The following ELAVL2 variants were observed in gnomAD, a reference collection of about 807,000 sequenced individuals.
The protein encoded by ELAVL2 is ELAV-like protein 2.
Under a neutral mutation model 34.6 loss-of-function variants are expected in ELAVL2, and 4 were observed. The observed-to-expected ratio is 0.12, with a 90% confidence interval of 0.06 to 0.26. ELAVL2 has a LOEUF of 0.26. Ranked by LOEUF, ELAVL2 falls within the 10% of genes least tolerant of loss-of-function variation. ELAVL2 has a pLI of 1.00. For synonymous variants in ELAVL2, 193 were observed against 154.8 expected (o/e 1.25, Z -1.83); for missense variants, 432 against 442.8 (o/e 0.98, Z 0.22).
At chr9:23,712,575 A>T (rs2041265475) in intron 3 of ELAVL2, among the ~76,000 whole-genome samples, 1 of 152,152 alleles carries the variant, frequency 6.6e-6, no homozygotes, top group Non-Finnish European at 1.5e-5. Context: ...CAAACTAAGA[A>T]TCCTGAGACT....
intron 3 of ELAVL2, among the ~76,000 whole-genome samples, chr9:23,709,150 C>T (rs2040230265): frequency 6.6e-6 from 1 of 152,158 alleles, no homozygotes. Context: ...CAGACCAAGG[C>T]TCAAGGTCCT....
At position 23,691,072 on chromosome 9, in the gene ELAVL2, A is replaced by C. The variant is rs1037988663; in HGVS notation, c.*1485T>G. 1 of 152,578 alleles carries C rather than the reference A, an allele frequency of 6.6e-6. No homozygotes were observed. The highest frequency in any genetic ancestry group is 2.4e-5 in the African/African-American group (1 of 41,438). 9.5% of individuals were successfully genotyped at this position (152,578 alleles called of 1,614,324 possible). On this transcript the variant is annotated 3_prime_UTR_variant, in exon 7 of 7. Coordinates refer to ENST00000397312, the MANE Select transcript of ELAVL2 (RefSeq NM_004432.5). ...ATAAACCAAAATGTAGCATCACCAT[A>C]AACAGCTGAAGCTAGACTATCTACA... is the stretch of plus-strand genomic sequence containing the variant.
chr9:23,842,197 A>C, the ELAVL2 span, among the ~76,000 whole-genome samples: 1 of 152,114 alleles, frequency 6.6e-6, no homozygotes, highest in African/African-American at 2.4e-5. Flanking sequence ...TTTTCGTTTA[A>C]CCAGCAGAGA....
At chr9:23,757,213 C>G (rs1485751603) in intron 2 of ELAVL2, among the ~76,000 whole-genome samples, 1 of 152,130 alleles carries the variant, frequency 6.6e-6, no homozygotes, top group Non-Finnish European at 1.5e-5. Context: ...TTCCATTCTC[C>G]TTCCAGAGAA....
chr9:23,785,937 C>T (rs1048668290), intron 1 of ELAVL2, among the ~76,000 whole-genome samples: 1 of 152,154 alleles, frequency 6.6e-6, no homozygotes, highest in African/African-American at 2.4e-5. Flanking sequence ...CCAGACTTTT[C>T]GGTACTTGAA....
chr9:23,812,078 A>T (rs1160956535), intron 1 of ELAVL2, among the ~76,000 whole-genome samples: 1 of 152,156 alleles, frequency 6.6e-6, no homozygotes, highest in African/African-American at 2.4e-5. Context: ...TAATTCCTCA[A>T]GCACTCAGTT....
chr9:23,702,974 A>AAAAAAAAAAAAAAAC (rs1554663987), intron 4 of ELAVL2, among the ~76,000 whole-genome samples: 9 of 139,298 alleles, frequency 6.5e-5, no homozygotes, highest in Non-Finnish European at 9.1e-5. Flanking sequence ...AAAAAAAAAA[A>AAAAAAAAAAAAAAAC]AAAAAAACAG....
In ELAVL2 at chr9:23,776,463, GGT is replaced by G. The variant is rs541934200; in HGVS notation, c.-15-14216_-15-14215del. Among the ~76,000 whole-genome samples, 353 of 152,238 alleles carry G rather than the reference GGT, an allele frequency of 2.3e-3. 3 individuals carry two copies. Among genetic ancestry groups the G allele is most frequent in the African/African-American group, 8.2e-3 (339 of 41,530 alleles). On this transcript the variant is annotated intron_variant, in intron 1 of 6. Coordinates refer to ENST00000397312, the MANE Select transcript of ELAVL2 (RefSeq NM_004432.5). ...TCTCTCCCCAACACAGCCAAGGTCT[GGT>G]GTGTAGAATACCAAAAAGAGGAGTA...
intron 3 of ELAVL2, among the ~76,000 whole-genome samples, chr9:23,706,826 GCT>G (rs1318735041): frequency 6.6e-6 from 1 of 152,108 alleles, no homozygotes; most frequent in East Asian, 1.9e-4. Context: ...TGTGCCCACA[GCT>G]CTCTGTTGCC....
chr9:23,800,850 G>A (rs527926107), intron 1 of ELAVL2, among the ~76,000 whole-genome samples: 4 of 152,180 alleles, frequency 2.6e-5, no homozygotes, highest in African/African-American at 4.8e-5. Flanking sequence ...GCAATGAGCC[G>A]CTTTTTAAAT....
At chr9:23,719,253 T>A (rs557405093) in intron 3 of ELAVL2, among the ~76,000 whole-genome samples, 5 of 152,162 alleles carry the variant, frequency 3.3e-5, no homozygotes, top group Non-Finnish European at 7.3e-5. Context: ...ACTGATAGCA[T>A]CAATAACACT....
chr9:23,709,019 A>G (rs1222733920), intron 3 of ELAVL2, among the ~76,000 whole-genome samples: 1 of 152,176 alleles, frequency 6.6e-6, no homozygotes, highest in Non-Finnish European at 1.5e-5. Context: ...ACTACACATC[A>G]TCATTAGAAT....
the ELAVL2 span, among the ~76,000 whole-genome samples, chr9:23,845,144 T>C: frequency 1.8e-4 from 28 of 152,008 alleles, no homozygotes; most frequent in East Asian, 1.4e-3. Flanking sequence ...GATAAAATTA[T>C]GTTTTGAGGA....
chr9:23,716,884 C>A (rs939349235), intron 3 of ELAVL2, among the ~76,000 whole-genome samples: 1 of 152,166 alleles, frequency 6.6e-6, no homozygotes, highest in African/African-American at 2.4e-5. Flanking sequence ...TTCTGTAGGA[C>A]ACTGACAACA....
At chr9:23,772,608 G>T (rs2057501537) in intron 1 of ELAVL2, among the ~76,000 whole-genome samples, 1 of 149,948 alleles carries the variant, frequency 6.7e-6, no homozygotes, top group Non-Finnish European at 1.5e-5. Flanking sequence ...AACATTAGGA[G>T]GCTACAAATA....
intron 1 of ELAVL2, chr9:23,821,931 C>T (rs1334543295): frequency 6.6e-6 from 1 of 151,484 alleles, no homozygotes; most frequent in East Asian, 2.0e-4. Context: ...CGGCCGCCGC[C>T]GGCGCGTGCC....
upstream of ELAVL2, among the ~76,000 whole-genome samples, chr9:23,831,270 C>T (rs1758298868): frequency 1.3e-5 from 2 of 152,124 alleles, no homozygotes; most frequent in African/African-American, 4.8e-5. Context: ...ATCCAGGGCG[C>T]TCCGCACGCC....
At chr9:23,738,082 T>TA (rs2048314044) in intron 2 of ELAVL2, among the ~76,000 whole-genome samples, 2 of 152,184 alleles carry the variant, frequency 1.3e-5, no homozygotes, top group African/African-American at 2.4e-5. Context: ...CAGATGGACT[T>TA]ACTGTTCTTG....
At chr9:23,808,512 G>C (rs2062546964) in intron 1 of ELAVL2, among the ~76,000 whole-genome samples, 1 of 151,978 alleles carries the variant, frequency 6.6e-6, no homozygotes, top group African/African-American at 2.4e-5. Flanking sequence ...AGAAAAGGCT[G>C]GATCAGCAAA....
Sources: allele counts gnomAD v4.1 joint callset (sites outside exome capture counted in the v4.1 genomes callset), GRCh38; gene constraint gnomAD v4.1.1; transcripts MANE v1.5; gene names NCBI Gene and HGNC (gene_info 2026-07-23, HGNC 2026-07-21).